The following AGBL1 variants were observed in gnomAD, a reference collection of about 807,000 sequenced individuals.
The protein encoded by AGBL1 is cytosolic carboxypeptidase 4.
In AGBL1, 130 loss-of-function variants were observed where a neutral mutation model predicts 118.9. The ratio of observed to expected loss-of-function variants is 1.09; its 90% confidence interval spans 0.95 to 1.26. The LOEUF is 1.26. Among genes scored for constraint, AGBL1 ranks in the 50% most tolerant of loss-of-function variants. The pLI is 0.00. For synonymous variants in AGBL1, 555 were observed against 478.9 expected (o/e 1.16, Z -2.08); for missense variants, 1,584 against 1,298.1 (o/e 1.22, Z -3.38).
downstream of AGBL1, among the ~76,000 whole-genome samples, chr15:86,920,248 T>C (rs1488345776): frequency 6.6e-6 from 1 of 152,172 alleles, no homozygotes; most frequent in Non-Finnish European, 1.5e-5. Context: ...TAGCCAGCTG[T>C]CAGAGGGGCT....
chr15:86,293,171 T>C (rs1411070995), intron 16 of AGBL1, among the ~76,000 whole-genome samples: 2 of 152,224 alleles, frequency 1.3e-5, no homozygotes, highest in Non-Finnish European at 2.9e-5. Flanking sequence ...ACATTCTTTT[T>C]CCCTTGTATG....
Position 86,196,865 on chromosome 15 carries a change from ATGTGCGCG to A in AGBL1, c.489-28048_489-28041del, listed in dbSNP as rs1463418924. On this transcript the variant is annotated intron_variant, in intron 5 of 22. Coordinates refer to ENST00000614907, the MANE Select transcript of AGBL1 (RefSeq NM_001386094.1). ...TCTCCCTGCATATGCGAATGTGCAC[ATGTGCGCG>A]CGCGCGCACACACACACACACACAC... Among the ~76,000 whole-genome samples the A allele has an allele frequency of 1.6e-3, 135 of 85,490 alleles. 4 individuals carry two copies. Among genetic ancestry groups the A allele is most frequent in the East Asian group, 0.012 (41 of 3,546 alleles). The allele number at this position is 85,490 out of a possible 152,430, so 56.1% of individuals were successfully genotyped here. A position where few individuals can be genotyped will look rare whatever the true frequency, so the allele number is the denominator to read the frequency against.
chr15:86,724,414 G>T (rs2086788575), intron 22 of AGBL1, among the ~76,000 whole-genome samples: 1 of 152,058 alleles, frequency 6.6e-6, no homozygotes, highest in Non-Finnish European at 1.5e-5. Flanking sequence ...GATTGATTCA[G>T]TGCTAAAATA....
chr15:86,222,921 T>C (rs200963480), intron 5 of AGBL1, among the ~76,000 whole-genome samples: 1 of 152,310 alleles, frequency 6.6e-6, no homozygotes, highest in East Asian at 1.9e-4. Context: ...CCTAAAACTT[T>C]CATGTGCATA....
chr15:86,804,560 A>G (rs1446413775), intron 22 of AGBL1, among the ~76,000 whole-genome samples: 3 of 152,148 alleles, frequency 2.0e-5, no homozygotes, highest in Non-Finnish European at 4.4e-5. Context: ...GAAGCCAAAT[A>G]TGAATGCTAC....
chr15:86,259,479 T>C (rs936998032), intron 9 of AGBL1, among the ~76,000 whole-genome samples: 2 of 152,182 alleles, frequency 1.3e-5, no homozygotes, highest in African/African-American at 2.4e-5. Flanking sequence ...TTCCCTCCTT[T>C]CCTTTCTCTC....
At chr15:86,409,384 C>G (rs140606235) in intron 18 of AGBL1, among the ~76,000 whole-genome samples, 5 of 152,228 alleles carry the variant, frequency 3.3e-5, no homozygotes, top group Non-Finnish European at 7.4e-5. Context: ...AAGTCATTTG[C>G]ATAGTGTTAA....
chr15:86,659,376 C>T (rs1390149204), intron 21 of AGBL1, among the ~76,000 whole-genome samples: 1 of 152,132 alleles, frequency 6.6e-6, no homozygotes, highest in African/African-American at 2.4e-5. Flanking sequence ...TTTTGGCTTC[C>T]ATAAGCTAAG....
At chr15:86,892,904 G>C (rs920427970) in intron 22 of AGBL1, among the ~76,000 whole-genome samples, 2 of 152,172 alleles carry the variant, frequency 1.3e-5, no homozygotes, top group Non-Finnish European at 2.9e-5. Context: ...CATTCATGGT[G>C]AGCATACTCA....
chr15:86,688,546 C>T (rs1003072202), intron 22 of AGBL1, among the ~76,000 whole-genome samples: 11 of 152,012 alleles, frequency 7.2e-5, no homozygotes, highest in South Asian at 4.1e-4. Context: ...CCCGAATATA[C>T]GCAAGTGAGT....
At chr15:86,550,195 TGA>T (rs1334147468) in intron 20 of AGBL1, among the ~76,000 whole-genome samples, 3 of 151,898 alleles carry the variant, frequency 2.0e-5, no homozygotes, top group Non-Finnish European at 4.4e-5. Flanking sequence ...GAAGATATAA[TGA>T]GAGAAGAAGA....
chr15:86,770,685 T>C (rs915135868), intron 22 of AGBL1, among the ~76,000 whole-genome samples: 10 of 151,832 alleles, frequency 6.6e-5, no homozygotes, highest in African/African-American at 2.4e-4. Flanking sequence ...TCCAAGTAGA[T>C]GTAGAGGGTA....
intron 5 of AGBL1, among the ~76,000 whole-genome samples, chr15:86,181,611 A>T (rs1197705642): frequency 6.6e-6 from 1 of 152,028 alleles, no homozygotes; most frequent in African/African-American, 2.4e-5. Context: ...GTGATGTTTC[A>T]AAGGTACATA....
chr15:86,364,958 C>CACACATATATATATATATATAT (rs1474501613), intron 17 of AGBL1, among the ~76,000 whole-genome samples: 5 of 76,136 alleles, frequency 6.6e-5, no homozygotes, highest in Non-Finnish European at 9.4e-5. Context: ...ATATGTCACA[C>CACACATATATATATATATATAT]ATATATATAT....
At chr15:86,202,598 C>G (rs185444399) in intron 5 of AGBL1, among the ~76,000 whole-genome samples, 3 of 152,272 alleles carry the variant, frequency 2.0e-5, no homozygotes, top group Non-Finnish European at 4.4e-5. Flanking sequence ...CACTGACTAA[C>G]AATGCTTTGT....
chr15:86,149,764 G>T (rs1258735249), intron 3 of AGBL1, among the ~76,000 whole-genome samples: 1 of 152,156 alleles, frequency 6.6e-6, no homozygotes, highest in East Asian at 1.9e-4. Flanking sequence ...ACTCAGCTCT[G>T]CAGCAAGCAG....
chr15:86,624,772 G>A (rs2084858943), intron 21 of AGBL1, among the ~76,000 whole-genome samples: 1 of 152,106 alleles, frequency 6.6e-6, no homozygotes, highest in Non-Finnish European at 1.5e-5. Flanking sequence ...ACTGCCCCAG[G>A]GACTCCTCTA....
In AGBL1 at chr15:86,833,102, C is replaced by T. The variant is rs924679819; in HGVS notation, c.3159-73985C>T. 5.3e-5 allele frequency among the ~76,000 whole-genome samples: 8 copies of T among 152,208 alleles called. No homozygotes were observed. The East Asian group carries it at 5.9e-4, about 11-fold the overall frequency. On this transcript the variant is annotated intron_variant, in intron 22 of 22. Coordinates refer to ENST00000614907, the MANE Select transcript of AGBL1 (RefSeq NM_001386094.1). ...ACTTAATCACAGCATGGAAAAGACCCGCCCCCATGATTCAATTGCTTCGCA... is the reference window on the plus strand; with the variant it reads ...ACTTAATCACAGCATGGAAAAGACCTGCCCCCATGATTCAATTGCTTCGCA...
At chr15:86,172,328 A>G (rs991241135) in intron 5 of AGBL1, among the ~76,000 whole-genome samples, 2 of 152,182 alleles carry the variant, frequency 1.3e-5, no homozygotes, top group Admixed American at 6.6e-5. Context: ...AGTGTTTAGG[A>G]TATCCATCAC....
Sources: gnomAD v4.1 joint callset for allele counts (sites outside exome capture counted in the v4.1 genomes callset) on GRCh38, gnomAD v4.1.1 for gene constraint, MANE v1.5 for transcripts, NCBI Gene and HGNC (gene_info 2026-07-23, HGNC 2026-07-21) for gene names.